FAM135B: variants seen among roughly 807,000 people sequenced by gnomAD.
FAM135B encodes family with sequence similarity 135 member B, also known as protein FAM135B.
In FAM135B, 43 loss-of-function variants were observed where a neutral mutation model predicts 127.7. That is an observed-to-expected ratio of 0.34 (90% CI 0.26 to 0.43). FAM135B has a LOEUF of 0.43. Among genes scored for constraint, FAM135B ranks in the 20% least tolerant of loss-of-function variants. The pLI is 1.00. For synonymous variants in FAM135B, 670 were observed against 665.1 expected, an observed-to-expected ratio of 1.01 and a Z score of -0.11; for missense variants, 1,558 against 1,725.6, an observed-to-expected ratio of 0.90 and a Z score of 1.72.
chr8:138,200,159 T>C (rs988085604), intron 7 of FAM135B, among the ~76,000 whole-genome samples: 1 of 152,220 alleles, frequency 6.6e-6, no homozygotes, highest in African/African-American at 2.4e-5. Flanking sequence ...ATTTCTCAGC[T>C]CTGAAGTCTG....
chr8:138,184,146 T>C (rs761734592), intron 9 of FAM135B, among the ~76,000 whole-genome samples: 1 of 152,108 alleles, frequency 6.6e-6, no homozygotes, highest in Non-Finnish European at 1.5e-5. Context: ...GTGTCAGGAA[T>C]AAAAACAAGG....
At chr8:138,195,636 A>G (rs1258479551) in intron 8 of FAM135B, among the ~76,000 whole-genome samples, 1 of 83,740 alleles carries the variant, frequency 1.2e-5, no homozygotes, top group Non-Finnish European at 2.1e-5. Context: ...TTGCAGGTAC[A>G]CACACACACA....
At chr8:138,193,906 T>C (rs775775876) in intron 9 of FAM135B, among the ~76,000 whole-genome samples, 6 of 152,220 alleles carry the variant, frequency 3.9e-5, no homozygotes, top group Middle Eastern at 3.2e-3. Context: ...CACGCCAGCA[T>C]GGCTTTGACG....
intron 1 of FAM135B, among the ~76,000 whole-genome samples, chr8:138,410,462 G>A (rs1202453184): frequency 6.6e-6 from 1 of 152,168 alleles, no homozygotes; most frequent in Admixed American, 6.5e-5. Context: ...AAGGGACTGA[G>A]GGAAGCTTCC....
At chr8:138,313,398 C>T (rs1381105305) in intron 2 of FAM135B, among the ~76,000 whole-genome samples, 2 of 152,180 alleles carry the variant, frequency 1.3e-5, no homozygotes, top group Admixed American at 6.5e-5. Flanking sequence ...TCCCAAAGTG[C>T]TGGGATTACA....
intron 1 of FAM135B, among the ~76,000 whole-genome samples, chr8:138,447,390 G>C (rs62527831): frequency 0.045 from 6,904 of 152,074 alleles, 235 homozygotes; most frequent in East Asian, 0.13. Context: ...CAATAGCAAA[G>C]ACTTGGAACC....
chr8:138,164,427 T>G (rs987986623), intron 12 of FAM135B, among the ~76,000 whole-genome samples: 1 of 152,178 alleles, frequency 6.6e-6, no homozygotes, highest in Non-Finnish European at 1.5e-5. Flanking sequence ...AAAGAGAGGC[T>G]GGTCCTAAAA....
rs768777777 is a variant in FAM135B at position 138,351,937 on chromosome 8, G to A, written c.77+15970C>T. On this transcript the variant is annotated intron_variant, in intron 2 of 19. Transcript: ENST00000395297. Reference sequence around the variant, plus strand: ...ACTCCTCACCTCAGGTGATCTGTCCGCCTCGGCCTCCCAAAGTGCTGGGAT... The same window carrying A: ...ACTCCTCACCTCAGGTGATCTGTCCACCTCGGCCTCCCAAAGTGCTGGGAT... Among the ~76,000 whole-genome samples the A allele has an allele frequency of 4.6e-5, 7 of 152,018 alleles. No individual in the cohort carries two copies. The South Asian group carries it at 6.2e-4, about 14-fold the overall frequency.
intron 3 of FAM135B, among the ~76,000 whole-genome samples, chr8:138,285,134 A>ATTTTTTTTTTTTT (rs386414180): frequency 7.3e-5 from 4 of 54,748 alleles, no homozygotes; most frequent in Non-Finnish European, 9.4e-5. Context: ...GGCTCTACTA[A>ATTTTTTTTTTTTT]TTTTTTTTTT....
chr8:138,226,538 C>A (rs2130134699), intron 7 of FAM135B, among the ~76,000 whole-genome samples: 1 of 152,190 alleles, frequency 6.6e-6, no homozygotes, highest in Admixed American at 6.5e-5. Flanking sequence ...CAGAGCCTGG[C>A]TAACTCAGGG....
chr8:138,274,200 G>C (rs1823626279), intron 3 of FAM135B, among the ~76,000 whole-genome samples: 1 of 152,078 alleles, frequency 6.6e-6, no homozygotes, highest in African/African-American at 2.4e-5. Flanking sequence ...ATTCACGTAG[G>C]TTCTTTTCTA....
chr8:138,151,461 G>A lies in FAM135B; in HGVS notation c.3014C>T (p.Ala1005Val), dbSNP rs753339431. The A allele has an allele frequency of 2.5e-6, 4 of 1,614,236 alleles. No homozygotes were observed. The Admixed American group carries it at 6.7e-5, about 27-fold the overall frequency. Reference sequence around the variant, plus strand: ...ATGGGACCCCATGATGGAAGTGCCTGCCTTCAGCTCTTGGTTTTTCAAAAC... The same window carrying A: ...ATGGGACCCCATGATGGAAGTGCCTACCTTCAGCTCTTGGTTTTTCAAAAC... ...SQVLKNQELKAGTSIMGSHLT... is the reference protein window; with the variant it reads ...SQVLKNQELKVGTSIMGSHLT... The change falls in exon 13 of 20, where the codon GCA (alanine) becomes GTA (valine). Residue 1005 changes from alanine (A) to valine (V), a missense_variant. By Grantham distance (64) the Ala-to-Val change is moderately conservative. Transcript: ENST00000395297.
At position 138,268,061 on chromosome 8, in the gene FAM135B, CA is replaced by C. The variant is rs1823084063; in HGVS notation, c.158-2220del. ...CTGAGCCGTCTGCCACCAGGAGGGT[CA>C]GCCAGCAAAACAGTTCAATCACTTG... On this transcript the variant is annotated intron_variant, in intron 3 of 19. Coordinates refer to ENST00000395297, the MANE Select transcript of FAM135B (RefSeq NM_015912.4). Among the ~76,000 whole-genome samples, 3 of 152,250 alleles carry C rather than the reference CA, an allele frequency of 2.0e-5. No individual in the cohort carries two copies. In the South Asian group the frequency reaches 6.2e-4, roughly 32 times the overall value.
At chr8:138,223,838 T>C (rs1586817002) in intron 7 of FAM135B, among the ~76,000 whole-genome samples, 1 of 152,262 alleles carries the variant, frequency 6.6e-6, no homozygotes, top group Non-Finnish European at 1.5e-5. Context: ...ATATACAACG[T>C]GGAATACTAT....
intron 1 of FAM135B, among the ~76,000 whole-genome samples, chr8:138,413,836 C>T (rs1833996495): frequency 6.6e-6 from 1 of 152,112 alleles, no homozygotes; most frequent in South Asian, 2.1e-4. Flanking sequence ...TCCTCTAGCA[C>T]TTCAGAGCTT....
At chr8:138,330,335 AC>A (rs1364701324) in intron 2 of FAM135B, among the ~76,000 whole-genome samples, 1 of 152,110 alleles carries the variant, frequency 6.6e-6, no homozygotes, top group Non-Finnish European at 1.5e-5. Context: ...GTCTTTGAGT[AC>A]CGGGAAAAGC....
chr8:138,132,572 A>C lies in FAM135B; in HGVS notation c.*21T>G. ...CTCCACCGATCGTAAGCATTACCAA[A>C]GACCTGCTCCCTCAAAGCCACTACT... On this transcript the variant is annotated 3_prime_UTR_variant, in exon 20 of 20. Coordinates refer to ENST00000395297, the MANE Select transcript of FAM135B (RefSeq NM_015912.4). The surrounding 1 kb of genome is among the most constrained non-coding windows in gnomAD (Gnocchi z 4.5). 1 of 1,602,220 alleles carries C rather than the reference A, an allele frequency of 6.2e-7. No homozygotes were observed. Among genetic ancestry groups the C allele is most frequent in the Non-Finnish European group, 8.6e-7 (1 of 1,169,328 alleles).
chr8:138,476,739 G>C (rs1034228089), intron 1 of FAM135B, among the ~76,000 whole-genome samples: 8 of 152,222 alleles, frequency 5.3e-5, no homozygotes, highest in Middle Eastern at 6.8e-3. Flanking sequence ...CAAACAGTTA[G>C]CATTTTTTTC....
chr8:138,336,216 C>T (rs1828571388), intron 2 of FAM135B, among the ~76,000 whole-genome samples: 1 of 151,992 alleles, frequency 6.6e-6, no homozygotes, highest in Non-Finnish European at 1.5e-5. Context: ...CAAGAGCAAA[C>T]ACATTCAAAA....
Sources: gnomAD v4.1 joint callset for allele counts (sites outside exome capture counted in the v4.1 genomes callset) on GRCh38, gnomAD v4.1.1 for gene constraint, Gnocchi (gnomAD v3.1) non-coding constraint, MANE v1.5 for transcripts, NCBI Gene and HGNC (gene_info 2026-07-23, HGNC 2026-07-21) for gene names.